Variants in PTPRN2 observed in about 807,000 individuals in gnomAD.
The protein encoded by PTPRN2 is protein tyrosine phosphatase receptor type N2, also known as receptor-type tyrosine-protein phosphatase N2.
A neutral mutation model predicts 118.8 loss-of-function variants in PTPRN2; 74 were observed. That is an observed-to-expected ratio of 0.62 (90% CI 0.52 to 0.76). The LOEUF is 0.76. PTPRN2 is among the 30% of genes least tolerant of loss of function. The probability of loss-of-function intolerance (pLI) is 0.00; values close to 1 mark genes in which losing one functional copy is unlikely to be tolerated. For synonymous variants in PTPRN2, 641 were observed against 608.0 expected (o/e 1.05, Z -0.80); for missense variants, 1,481 against 1,394.4 (o/e 1.06, Z -0.99).
chr7:157,669,022 C>G (rs566742280), intron 13 of PTPRN2, among the ~76,000 whole-genome samples: 1 of 152,314 alleles, frequency 6.6e-6, no homozygotes, highest in East Asian at 1.9e-4. Context: ...CAGCTGGGAG[C>G]AGAGGAGCAG....
At chr7:157,803,749 C>A (rs1009211869) in intron 12 of PTPRN2, among the ~76,000 whole-genome samples, 74 of 151,980 alleles carry the variant, frequency 4.9e-4, no homozygotes, top group Non-Finnish European at 3.4e-4. Context: ...TGAGTTGTTT[C>A]TGGACTCTCT....
chr7:157,665,312 G>A (rs980787041), intron 13 of PTPRN2, among the ~76,000 whole-genome samples: 1 of 152,268 alleles, frequency 6.6e-6, no homozygotes, highest in Non-Finnish European at 1.5e-5. Context: ...GCGACCTTGA[G>A]TTTGTAAGGA....
intron 21 of PTPRN2, among the ~76,000 whole-genome samples, chr7:157,562,808 G>C (rs1444493075): frequency 1.4e-5 from 2 of 143,700 alleles, no homozygotes; most frequent in African/African-American, 5.3e-5. Flanking sequence ...ACAGACAGCA[G>C]ATCAGGACCA....
chr7:158,181,270 G>A (rs1188738580), intron 5 of PTPRN2, among the ~76,000 whole-genome samples: 1 of 152,134 alleles, frequency 6.6e-6, no homozygotes, highest in Admixed American at 6.5e-5. Context: ...AACCATCCCT[G>A]CATCCCTGGG....
At chr7:158,330,790 C>A (rs1321383250) in intron 2 of PTPRN2, among the ~76,000 whole-genome samples, 1 of 98,232 alleles carries the variant, frequency 1.0e-5, no homozygotes, top group African/African-American at 4.4e-5. Flanking sequence ...GTCACTCACA[C>A]CCACACTCTC....
chr7:158,291,383 T>C (rs1800110792), intron 3 of PTPRN2, among the ~76,000 whole-genome samples: 2 of 152,218 alleles, frequency 1.3e-5, no homozygotes, highest in African/African-American at 2.4e-5. Context: ...GGAGAAACAA[T>C]AGGGATATGA....
rs566614028 is a variant in PTPRN2 at position 157,794,688 on chromosome 7, A to G, written c.1788+103985T>C. On this transcript the variant is annotated intron_variant, in intron 12 of 22. Transcript: ENST00000389418. The surrounding 1 kb of genome is among the most constrained non-coding windows in gnomAD (Gnocchi z 5.2). ...ATTTTTTATTGTGTCACTTACTGCAAAGCAGCTCAAGGAGCCTGAAGACAC... is the reference window on the plus strand; with the variant it reads ...ATTTTTTATTGTGTCACTTACTGCAGAGCAGCTCAAGGAGCCTGAAGACAC... Among the ~76,000 whole-genome samples the G allele has an allele frequency of 5.3e-5, 8 of 152,298 alleles. No individual in the cohort carries two copies. The highest frequency in any genetic ancestry group is 1.9e-4 in the African/African-American group (8 of 41,554).
chr7:158,492,913 C>G (rs927600533), intron 1 of PTPRN2, among the ~76,000 whole-genome samples: 41 of 152,344 alleles, frequency 2.7e-4, no homozygotes, highest in African/African-American at 9.9e-4. Flanking sequence ...TGTACCCTGT[C>G]GGCTCACAGA....
chr7:158,507,522 T>C (rs1325698646), intron 1 of PTPRN2, among the ~76,000 whole-genome samples: 2 of 145,250 alleles, frequency 1.4e-5, no homozygotes, highest in East Asian at 4.2e-4. Context: ...GGGCGGGAAA[T>C]CACACACATG....
rs745386099 is a variant in PTPRN2 at position 157,779,995 on chromosome 7, C to T, written c.1789-97058G>A. Among the ~76,000 whole-genome samples the T allele has an allele frequency of 3.3e-4, 50 of 152,166 alleles. No individual in the cohort carries two copies. Among genetic ancestry groups the T allele is most frequent in the Non-Finnish European group, 6.2e-4 (42 of 68,034 alleles). ...TGCTGACCCCAGTTCCCAAGGTCCA[C>T]AATGTCCATGGAGAGTAGGATTTTA... On this transcript the variant is annotated intron_variant, in intron 12 of 22. Coordinates refer to ENST00000389418, the MANE Select transcript of PTPRN2 (RefSeq NM_002847.5). This position sits in a 1 kb window ranked among gnomAD's most constrained non-coding sequence, Gnocchi z 4.7.
At chr7:158,444,702 C>T (rs562150603) in intron 2 of PTPRN2, among the ~76,000 whole-genome samples, 2 of 152,340 alleles carry the variant, frequency 1.3e-5, no homozygotes, top group South Asian at 2.1e-4. Context: ...GGAATCCAAC[C>T]GAGATGGCCT....
rs1189095812 is a variant in PTPRN2, at chr7:157,622,732, C to T, written c.2197-1223G>A. On this transcript the variant is annotated intron_variant, in intron 14 of 22. Coordinates refer to ENST00000389418, the MANE Select transcript of PTPRN2 (RefSeq NM_002847.5). The surrounding 1 kb of genome is among the most constrained non-coding windows in gnomAD (Gnocchi z 5.3). ...TGGGTGTGGTGGTGAGGGACAATCG[C>T]CTGGCTCAGGGTGGGCACTCTAAGG... 6.6e-6 allele frequency among the ~76,000 whole-genome samples: 1 copy of T among 152,200 alleles called. No individual in the cohort carries two copies. Among genetic ancestry groups the T allele is most frequent in the African/African-American group, 2.4e-5 (1 of 41,456 alleles).
chr7:158,324,170 A>G (rs4909064), intron 2 of PTPRN2, among the ~76,000 whole-genome samples: 143,725 of 152,206 alleles, frequency 0.94, 67,929 homozygotes, highest in Non-Finnish European at 0.96. Flanking sequence ...GTCTCCGCAT[A>G]GACAAGACGG....
intron 2 of PTPRN2, among the ~76,000 whole-genome samples, chr7:158,437,672 C>T (rs552532593): frequency 1.1e-4 from 16 of 152,294 alleles, no homozygotes; most frequent in East Asian, 1.9e-4. Flanking sequence ...GGGATGTGTG[C>T]GATGGCCCCT....
chr7:157,561,471 C>T (rs932570725), intron 21 of PTPRN2, among the ~76,000 whole-genome samples: 3 of 152,252 alleles, frequency 2.0e-5, no homozygotes, highest in Non-Finnish European at 2.9e-5. Context: ...GAACACACCA[C>T]GCTGTGCCTC....
chr7:158,558,836 G>T (rs1827206553), intron 1 of PTPRN2, among the ~76,000 whole-genome samples: 1 of 151,720 alleles, frequency 6.6e-6, no homozygotes, highest in African/African-American at 2.4e-5. Context: ...TGGACAGGAG[G>T]CTCTCAGACT....
intron 3 of PTPRN2, among the ~76,000 whole-genome samples, chr7:158,220,226 C>A (rs954386919): frequency 2.6e-5 from 4 of 151,992 alleles, no homozygotes; most frequent in Admixed American, 6.6e-5. Context: ...ATTGAACAGG[C>A]AAAAGTTGGA....
At chr7:158,021,431 C>T (rs997620327) in intron 11 of PTPRN2, among the ~76,000 whole-genome samples, 6 of 152,150 alleles carry the variant, frequency 3.9e-5, no homozygotes, top group African/African-American at 1.4e-4. Context: ...CGGCAAAAAC[C>T]AAATACCTAA....
chr7:157,726,729 G>A lies in PTPRN2; in HGVS notation c.1789-43792C>T, dbSNP rs576713340. On this transcript the variant is annotated intron_variant, in intron 12 of 22. Coordinates refer to ENST00000389418, the MANE Select transcript of PTPRN2 (RefSeq NM_002847.5). Reference sequence around the variant, plus strand: ...GAGCGAAAAGACAACCCATATAAAGGGGGAAAAGATTTGCGAATCAAATTG... The same window carrying A: ...GAGCGAAAAGACAACCCATATAAAGAGGGAAAAGATTTGCGAATCAAATTG... Among the ~76,000 whole-genome samples the A allele has an allele frequency of 4.1e-4, 62 of 152,358 alleles. No individual in the cohort carries two copies. The South Asian group carries it at 0.011, about 27-fold the overall frequency.
Sources: allele counts gnomAD v4.1 joint callset (sites outside exome capture counted in the v4.1 genomes callset), GRCh38; gene constraint gnomAD v4.1.1; non-coding constraint Gnocchi (gnomAD v3.1); transcripts MANE v1.5; gene names NCBI Gene and HGNC (gene_info 2026-07-23, HGNC 2026-07-21).